The following SPIDR variants were observed in gnomAD, a reference collection of about 807,000 sequenced individuals.
The protein encoded by SPIDR is DNA repair-scaffolding protein.
In SPIDR, 93 loss-of-function variants were observed where a neutral mutation model predicts 104.6. That is an observed-to-expected ratio of 0.89 (90% CI 0.75 to 1.06). SPIDR has a LOEUF of 1.06. Ranked by LOEUF, SPIDR falls within the 50% of genes least tolerant of loss-of-function variation. SPIDR has a pLI of 0.00. For synonymous variants in SPIDR, 431 were observed against 416.9 expected (o/e 1.03, Z -0.41); for missense variants, 1,154 against 1,111.2 (o/e 1.04, Z -0.55).
chr8:47,700,304 C>T lies in SPIDR; in HGVS notation c.1686-99C>T, dbSNP rs537017854. 69 of 1,215,792 alleles carry T rather than the reference C, an allele frequency of 5.7e-5. 1 individual carries two copies. The South Asian group carries it at 8.1e-4, about 14-fold the overall frequency. The allele number at this position is 1,215,792 out of a possible 1,614,324, so 75.3% of individuals were successfully genotyped here. On this transcript the variant is annotated intron_variant, in intron 11 of 19. Transcript: ENST00000297423. Reference sequence around the variant, plus strand: ...ACATCTCGAATTGTAGTTCCATGGCCTTAGGCATTAGAGTCTGTTAAGCAT... The same window carrying T: ...ACATCTCGAATTGTAGTTCCATGGCTTTAGGCATTAGAGTCTGTTAAGCAT...
chr8:47,473,363 T>G (rs1303944388), intron 8 of SPIDR, among the ~76,000 whole-genome samples: 2 of 152,196 alleles, frequency 1.3e-5, no homozygotes, highest in African/African-American at 4.8e-5. Context: ...AGGATTAGGA[T>G]AGAGATGGCC....
intron 8 of SPIDR, among the ~76,000 whole-genome samples, chr8:47,441,180 A>C (rs2069360700): frequency 6.6e-6 from 1 of 152,128 alleles, no homozygotes; most frequent in African/African-American, 2.4e-5. Context: ...CTATAGGATA[A>C]ATTTTTATAA....
chr8:47,331,840 T>C (rs1205044572), intron 5 of SPIDR, among the ~76,000 whole-genome samples: 1 of 152,002 alleles, frequency 6.6e-6, no homozygotes, highest in Admixed American at 6.6e-5. Flanking sequence ...CATAAACATA[T>C]TGTTCAGCTG....
At chr8:47,711,057 C>A (rs2081813465) in intron 14 of SPIDR, among the ~76,000 whole-genome samples, 1 of 152,196 alleles carries the variant, frequency 6.6e-6, no homozygotes, top group African/African-American at 2.4e-5. Flanking sequence ...AGCCACTGTG[C>A]CCAGCCCACT....
intron 10 of SPIDR, among the ~76,000 whole-genome samples, chr8:47,601,445 C>T (rs2062266829): frequency 6.6e-6 from 1 of 152,144 alleles, no homozygotes; most frequent in Non-Finnish European, 1.5e-5. Context: ...CCTGTAATCC[C>T]AGCACTTTGG....
At chr8:47,641,618 T>C (rs1331304513) in intron 10 of SPIDR, among the ~76,000 whole-genome samples, 2 of 152,134 alleles carry the variant, frequency 1.3e-5, no homozygotes, top group African/African-American at 4.8e-5. Flanking sequence ...TAAAAGGTAG[T>C]GGTACTAACA....
chr8:47,296,104 T>C (rs1000308237), intron 5 of SPIDR, among the ~76,000 whole-genome samples: 27 of 152,326 alleles, frequency 1.8e-4, no homozygotes, highest in African/African-American at 6.3e-4. Flanking sequence ...TTAGGTCCTC[T>C]GCACATTTTT....
chr8:47,668,456 C>A (rs761628834), intron 10 of SPIDR, among the ~76,000 whole-genome samples: 16 of 151,538 alleles, frequency 1.1e-4, no homozygotes, highest in Admixed American at 3.9e-4. Flanking sequence ...TAAGCTCCAA[C>A]ATCCATTCAT....
At chr8:47,290,164 C>G (rs967769281) in intron 3 of SPIDR, among the ~76,000 whole-genome samples, 42 of 152,190 alleles carry the variant, frequency 2.8e-4, no homozygotes, top group African/African-American at 4.6e-4. Flanking sequence ...CTCAGCCCCC[C>G]CTGAGTAGCT....
At chr8:47,558,371 T>TG (rs2091570084) in intron 8 of SPIDR, among the ~76,000 whole-genome samples, 1 of 152,206 alleles carries the variant, frequency 6.6e-6, no homozygotes, top group Non-Finnish European at 1.5e-5. Context: ...GGGTACACTG[T>TG]TATATAGTAG....
chr8:47,266,038 C>T (rs1554546423), intron 1 of SPIDR, among the ~76,000 whole-genome samples: 1 of 151,968 alleles, frequency 6.6e-6, no homozygotes, highest in Non-Finnish European at 1.5e-5. Flanking sequence ...GCGTGAGCCA[C>T]CATGCCCGGT....
chr8:47,550,947 G>A (rs200553614), intron 8 of SPIDR, among the ~76,000 whole-genome samples: 2 of 152,118 alleles, frequency 1.3e-5, no homozygotes, highest in East Asian at 1.9e-4. Flanking sequence ...TGTTCCATCA[G>A]TACCTAATTT....
At chr8:47,419,998 G>C (rs1161389100) in intron 7 of SPIDR, among the ~76,000 whole-genome samples, 2 of 152,118 alleles carry the variant, frequency 1.3e-5, no homozygotes, top group Admixed American at 6.5e-5. Context: ...TATAATTTCT[G>C]TTCTTTTACA....
In SPIDR at chr8:47,396,469, A is replaced by G; in HGVS notation, c.619A>G (p.Lys207Glu). 1 of 1,614,144 alleles carries G rather than the reference A, an allele frequency of 6.2e-7. No individual in the cohort carries two copies. Among genetic ancestry groups the G allele is most frequent in the Non-Finnish European group, 8.5e-7 (1 of 1,180,008 alleles). ...ACTCATTGATTCAGAATCCCCTCACAAATACCACGTGCAGTTTGCATCGGA... is the reference window on the plus strand; with the variant it reads ...ACTCATTGATTCAGAATCCCCTCACGAATACCACGTGCAGTTTGCATCGGA... ...VLLIDSESPH[K>E]YHVQFASDAR... is the part of the protein sequence containing the mutation. Residue 207 changes from lysine to glutamate, a missense_variant, in exon 6 of 20, where the codon AAA (lysine) becomes GAA (glutamate). Lys to Glu is a moderately conservative substitution (Grantham distance 56). Coordinates refer to ENST00000297423, the MANE Select transcript of SPIDR (RefSeq NM_001080394.4).
intron 7 of SPIDR, among the ~76,000 whole-genome samples, chr8:47,429,817 T>A (rs962101464): frequency 6.6e-6 from 1 of 151,442 alleles, no homozygotes; most frequent in Non-Finnish European, 1.5e-5. Context: ...ATATTTTTTT[T>A]ATTTTATTTT....
chr8:47,615,720 G>A (rs1356559827), intron 10 of SPIDR, among the ~76,000 whole-genome samples: 1 of 151,968 alleles, frequency 6.6e-6, no homozygotes, highest in South Asian at 2.1e-4. Flanking sequence ...TATTGGCCAG[G>A]CTGGTGAGCC....
chr8:47,599,791 CAGAG>C (rs1286148444), intron 10 of SPIDR, among the ~76,000 whole-genome samples: 1 of 152,202 alleles, frequency 6.6e-6, no homozygotes, highest in African/African-American at 2.4e-5. Context: ...GCATGATTGA[CAGAG>C]AGGTTTGTTT....
intron 5 of SPIDR, among the ~76,000 whole-genome samples, chr8:47,314,794 A>G (rs941692252): frequency 7.2e-5 from 11 of 152,228 alleles, no homozygotes; most frequent in African/African-American, 2.7e-4. Context: ...GGTCAGGTCT[A>G]TGAATAATTA....
chr8:47,326,976 G>A (rs551116460), intron 5 of SPIDR, among the ~76,000 whole-genome samples: 12 of 152,270 alleles, frequency 7.9e-5, no homozygotes, highest in African/African-American at 2.4e-4. Context: ...TGAAATTGCT[G>A]GACTATATGG....
Sources: gnomAD v4.1 joint callset for allele counts (sites outside exome capture counted in the v4.1 genomes callset) on GRCh38, gnomAD v4.1.1 for gene constraint, MANE v1.5 for transcripts, NCBI Gene and HGNC (gene_info 2026-07-23, HGNC 2026-07-21) for gene names.